FRK: variants seen among roughly 807,000 people sequenced by gnomAD.
FRK encodes fyn related Src family tyrosine kinase.
Under a neutral mutation model 56.4 loss-of-function variants are expected in FRK, and 51 were observed. That is an observed-to-expected ratio of 0.90 (90% CI 0.72 to 1.14). The LOEUF (loss-of-function observed/expected upper bound fraction) is 1.14. Among genes scored for constraint, FRK ranks in the 50% most tolerant of loss-of-function variants. The pLI, the probability that FRK is intolerant of heterozygous loss-of-function variation, is 0.00. For missense variants in FRK, 570 were observed against 601.4 expected, an observed-to-expected ratio of 0.95 and a Z score of 0.55; for synonymous variants, 245 against 217.9, an observed-to-expected ratio of 1.12 and a Z score of -1.10.
the FRK span, among the ~76,000 whole-genome samples, chr6:116,087,227 C>T: frequency 6.6e-6 from 1 of 152,166 alleles, no homozygotes; most frequent in African/African-American, 2.4e-5. Context: ...ATGGTAGCTA[C>T]CATAGTGCCT....
chr6:115,983,907 C>G lies in FRK; in HGVS notation c.467-15168G>C, dbSNP rs78221156. On this transcript the variant is annotated intron_variant, in intron 2 of 7. Transcript: ENST00000606080. The stretch of plus-strand genomic sequence containing the variant: ...GTTTCCCTACTGCCTAAAGTTCAGA[C>G]CCCATAACAGAATTCTCCACTGCAT... 6.9e-3 allele frequency among the ~76,000 whole-genome samples: 1,056 copies of G among 152,254 alleles called. 5 individuals are homozygous for G. Among genetic ancestry groups the G allele is most frequent in the Non-Finnish European group, 0.011 (760 of 68,002 alleles).
chr6:116,063,710 T>C (rs1181631673), upstream of FRK, among the ~76,000 whole-genome samples: 2 of 152,168 alleles, frequency 1.3e-5, no homozygotes, highest in Non-Finnish European at 1.5e-5. Flanking sequence ...CAGCATTACT[T>C]TGTACCCCAT....
intron 1 of FRK, among the ~76,000 whole-genome samples, chr6:116,016,840 G>C (rs1775676876): frequency 6.6e-6 from 1 of 152,006 alleles, no homozygotes. Flanking sequence ...AATAACTAAA[G>C]ATAGTTTAAA....
intron 4 of FRK, among the ~76,000 whole-genome samples, chr6:115,959,809 C>A (rs1269549684): frequency 6.6e-6 from 1 of 152,152 alleles, no homozygotes; most frequent in South Asian, 2.1e-4. Flanking sequence ...TAAAAATTGT[C>A]TGAAGTCACA....
At chr6:115,969,519 C>T (rs6927766) in intron 2 of FRK, among the ~76,000 whole-genome samples, 1 of 152,086 alleles carries the variant, frequency 6.6e-6, no homozygotes, top group African/African-American at 2.4e-5. Flanking sequence ...CCCAGTTTTC[C>T]TCAGAGAATT....
the FRK span, among the ~76,000 whole-genome samples, chr6:116,098,100 C>CTTTTTT: frequency 9.5e-5 from 8 of 84,238 alleles, 1 homozygote; most frequent in Non-Finnish European, 1.6e-4. Flanking sequence ...TTACAGACAG[C>CTTTTTT]TTTTTTTTTT....
intron 1 of FRK, among the ~76,000 whole-genome samples, chr6:116,022,270 TA>T (rs1172543784): frequency 6.6e-6 from 1 of 152,092 alleles, no homozygotes; most frequent in Non-Finnish European, 1.5e-5. Context: ...GTTTTACACA[TA>T]AACTCTTTCA....
chr6:116,099,601 G>C, the FRK span, among the ~76,000 whole-genome samples: 1 of 152,200 alleles, frequency 6.6e-6, no homozygotes, highest in Non-Finnish European at 1.5e-5. Flanking sequence ...ATTCCAGAGA[G>C]ATTTGTTTGG....
chr6:116,043,979 A>G (rs1216623837), intron 1 of FRK, among the ~76,000 whole-genome samples: 1 of 152,328 alleles, frequency 6.6e-6, no homozygotes, highest in East Asian at 1.9e-4. Context: ...AAACTAGAAA[A>G]TCCAGAAGAA....
At chr6:116,001,172 A>T (rs899606438) in intron 2 of FRK, among the ~76,000 whole-genome samples, 2 of 151,150 alleles carry the variant, frequency 1.3e-5, no homozygotes, top group African/African-American at 4.9e-5. Context: ...CAGAAGGGAG[A>T]GGTTGCAGTG....
At chr6:116,092,103 T>C in the FRK span, among the ~76,000 whole-genome samples, 1 of 152,252 alleles carries the variant, frequency 6.6e-6, no homozygotes, top group South Asian at 2.1e-4. Flanking sequence ...AAGAATGATT[T>C]CTAGTATAAA....
chr6:115,968,026 C>A (rs1484491541), intron 3 of FRK, among the ~76,000 whole-genome samples: 1 of 152,172 alleles, frequency 6.6e-6, no homozygotes, highest in African/African-American at 2.4e-5. Flanking sequence ...TAGCTAAATC[C>A]TCTCAGTTTC....
the FRK span, among the ~76,000 whole-genome samples, chr6:116,085,390 T>C: frequency 6.6e-6 from 1 of 152,220 alleles, no homozygotes; most frequent in Non-Finnish European, 1.5e-5. Context: ...GGGATTTTCA[T>C]TTTAAATCTA....
chr6:116,056,993 A>T (rs1777424143), intron 1 of FRK, among the ~76,000 whole-genome samples: 1 of 152,240 alleles, frequency 6.6e-6, no homozygotes, highest in South Asian at 2.1e-4. Flanking sequence ...AGTATAAAAG[A>T]AAACAAACAA....
At chr6:116,065,474 C>T (rs756802230), upstream of FRK, among the ~76,000 whole-genome samples, 1 of 152,232 alleles carries the variant, frequency 6.6e-6, no homozygotes. Flanking sequence ...TTCTGCATAC[C>T]TGTTGACCTT....
chr6:116,023,933 C>T (rs961831755), intron 1 of FRK, among the ~76,000 whole-genome samples: 7 of 151,288 alleles, frequency 4.6e-5, no homozygotes, highest in Non-Finnish European at 8.8e-5. Flanking sequence ...ATAGCCCTAA[C>T]ATTTTCTTAG....
chr6:115,974,107 T>C (rs539032431), intron 2 of FRK, among the ~76,000 whole-genome samples: 5 of 152,280 alleles, frequency 3.3e-5, no homozygotes, highest in East Asian at 1.9e-4. Context: ...AGGTCTGTAA[T>C]TGGAAATGAT....
chr6:115,955,182 G>C (rs1237315686), intron 5 of FRK, among the ~76,000 whole-genome samples: 1 of 152,030 alleles, frequency 6.6e-6, no homozygotes, highest in African/African-American at 2.4e-5. Context: ...AAGGGTCTGG[G>C]AATGAAGGAA....
rs540072254 is a variant in FRK at position 116,001,450 on chromosome 6, C to T, written c.466+2427G>A. On this transcript the variant is annotated intron_variant, in intron 2 of 7. Transcript: ENST00000606080. The stretch of plus-strand genomic sequence containing the variant: ...ATGGATCCCAAGTGGCTAACTGGTC[C>T]TAAATTTAAAATAGAACCAAGGGTC... Among the ~76,000 whole-genome samples, 19 of 152,178 alleles carry T rather than the reference C, an allele frequency of 1.2e-4. No individual in the cohort carries two copies. The South Asian group carries it at 3.9e-3, about 32-fold the overall frequency.
Sources: allele counts gnomAD v4.1 joint callset (sites outside exome capture counted in the v4.1 genomes callset), GRCh38; gene constraint gnomAD v4.1.1; transcripts MANE v1.5; gene names NCBI Gene and HGNC (gene_info 2026-07-23, HGNC 2026-07-21).